TEX30: variants seen among roughly 807,000 people sequenced by gnomAD.
The protein encoded by TEX30 is testis-expressed protein 30.
Under a neutral mutation model 23.8 loss-of-function variants are expected in TEX30, and 14 were observed. The observed-to-expected ratio is 0.59, with a 90% CI of 0.39 to 0.92. TEX30 has a LOEUF of 0.92. Ranked by LOEUF, TEX30 falls within the 40% of genes least tolerant of loss-of-function variation. The pLI, the probability that TEX30 is intolerant of heterozygous loss-of-function variation, is 0.00. For missense variants in TEX30, 246 were observed against 270.6 expected, an observed-to-expected ratio of 0.91 and a Z score of 0.64; for synonymous variants, 78 against 90.2, an observed-to-expected ratio of 0.87 and a Z score of 0.76.
In TEX30 at chr13:102,766,343, G is replaced by T; in HGVS notation, c.*58C>A. 1 of 1,391,522 alleles carries T rather than the reference G, an allele frequency of 7.2e-7. No individual in the cohort carries two copies. The highest frequency in any genetic ancestry group is 1.0e-6 in the Non-Finnish European group (1 of 1,001,996). 86.2% of individuals were successfully genotyped at this position (1,391,522 alleles called of 1,614,324 possible). ...TGAAATATATCTCACAATGCTGAGA[G>T]GCATACTCTTCTTTATCAAATTAAC... On this transcript the variant is annotated 3_prime_UTR_variant, in exon 6 of 6. Coordinates refer to ENST00000376032, the MANE Select transcript of TEX30 (RefSeq NM_138779.5).
intron 5 of TEX30, 116 bp from the exon 6 acceptor site, chr13:102,766,696 A>G: frequency 1.0e-6 from 1 of 973,892 alleles, no homozygotes. Context: ...ATGCTTTCTC[A>G]GACAACTTTC....
At chr13:102,768,881 A>G (rs1318417461) in intron 3 of TEX30, among the ~76,000 whole-genome samples, 1 of 152,240 alleles carries the variant, frequency 6.6e-6, no homozygotes, top group African/African-American at 2.4e-5. Flanking sequence ...CCTGGGCCAT[A>G]TGTGGCCCAT....
chr13:102,770,260 T>C (rs2139043053), intron 1 of TEX30, 174 bp from the exon 2 acceptor site: 1 of 358,876 alleles, frequency 2.8e-6, no homozygotes, highest in Non-Finnish European at 5.0e-6. Flanking sequence ...GAGGGCCAGG[T>C]GCAGGGTTGG....
chr13:102,772,539 C>T (rs1877395645), intron 1 of TEX30, among the ~76,000 whole-genome samples: 1 of 152,142 alleles, frequency 6.6e-6, no homozygotes, highest in Non-Finnish European at 1.5e-5. Context: ...ACGGAAAATG[C>T]CCCATAATGC....
rs745850741 is a variant in TEX30 at position 102,767,233 on chromosome 13, C to A, written c.504+40G>T. 5 of 1,585,820 alleles carry A rather than the reference C, an allele frequency of 3.2e-6. No individual in the cohort carries two copies. The East Asian group carries it at 6.7e-5, about 21-fold the overall frequency. ...TTGCTCCCAAGATATGTCTGCCTTTCATTCTCTTTCATTGACACAAACATT... is the reference window on the plus strand; with the variant it reads ...TTGCTCCCAAGATATGTCTGCCTTTAATTCTCTTTCATTGACACAAACATT... On this transcript the variant is annotated intron_variant, in intron 5 of 5. Transcript: ENST00000376032.
rs558507194 is a variant in TEX30 at position 102,766,229 on chromosome 13, C to T, written c.*172G>A. On this transcript the variant is annotated 3_prime_UTR_variant, in exon 6 of 6. Transcript: ENST00000376032. ...TCATCTTTATACAACTGTAACAGTGCTTTCAAAAGACATTTTGTGAAGGAC... is the reference window on the plus strand; with the variant it reads ...TCATCTTTATACAACTGTAACAGTGTTTTCAAAAGACATTTTGTGAAGGAC... 30 of 515,130 alleles carry T rather than the reference C, an allele frequency of 5.8e-5. No individual in the cohort carries two copies. Among genetic ancestry groups the T allele is most frequent in the African/African-American group, 5.4e-4 (28 of 51,576 alleles). 31.9% of individuals were successfully genotyped at this position (515,130 alleles called of 1,614,324 possible).
Position 102,770,009 on chromosome 13 carries a change from TA to T in TEX30, c.15+2del. Reference sequence around the variant, plus strand: ...GAAGATGCAGAACATACGAAAATATTACCTCTGTATGACTCATTTTCACTGT... The same window carrying T: ...GAAGATGCAGAACATACGAAAATATTCCTCTGTATGACTCATTTTCACTGT... On this transcript the variant is annotated splice_donor_variant, in intron 2 of 5. Coordinates refer to ENST00000376032, the MANE Select transcript of TEX30 (RefSeq NM_138779.5). LOFTEE classifies it high-confidence loss of function. 1 of 1,444,506 alleles carries T rather than the reference TA, an allele frequency of 6.9e-7. No individual in the cohort carries two copies. Among genetic ancestry groups the T allele is most frequent in the Non-Finnish European group, 9.1e-7 (1 of 1,094,456 alleles). The allele number at this position is 1,444,506 out of a possible 1,614,324, so 89.5% of individuals were successfully genotyped here.
intron 1 of TEX30, chr13:102,773,337 G>A (rs2274388): frequency 0.084 from 12,763 of 152,218 alleles, 1,352 homozygotes; most frequent in African/African-American, 0.25. Context: ...GCGCGCTGCC[G>A]GGGCTGCGCC....
intron 5 of TEX30, among the ~76,000 whole-genome samples, chr13:102,767,047 T>A (rs1876937708): frequency 6.6e-6 from 1 of 152,226 alleles, no homozygotes. Flanking sequence ...AATCCTTCAT[T>A]TTCCAAGTAA....
In TEX30 at chr13:102,768,142, C is replaced by A. The variant is rs913351461; in HGVS notation, c.298+118G>T. 67 of 855,940 alleles carry A rather than the reference C, an allele frequency of 7.8e-5. 1 individual carries two copies. The Admixed American group carries it at 1.8e-3, about 23-fold the overall frequency. The allele number at this position is 855,940 out of a possible 1,614,324, so 53.0% of individuals were successfully genotyped here. ...CTTTAACATTAAAAAGGTGACTTAC[C>A]AAAACAACAAAAAAAATCCTTAAAT... is the stretch of plus-strand genomic sequence containing the variant. On this transcript the variant is annotated intron_variant, in intron 4 of 5. Coordinates refer to ENST00000376032, the MANE Select transcript of TEX30 (RefSeq NM_138779.5).
chr13:102,766,468 T>C lies in TEX30; in HGVS notation c.617A>G (p.Lys206Arg). Residue 206 changes from lysine to arginine, a missense_variant, in exon 6 of 6, where the codon AAA (lysine) becomes AGA (arginine). By Grantham distance (26) the Lys-to-Arg change is conservative (BLOSUM62 2). Transcript: ENST00000376032. ...VKGRSTNDVF[K>R]EINTQILFWI... Reference sequence around the variant, plus strand: ...AAACAAAATCTGTGTATTTATTTCTTTGAAAACATCATTTGTCGACCGTCC... The same window carrying C: ...AAACAAAATCTGTGTATTTATTTCTCTGAAAACATCATTTGTCGACCGTCC... The C allele has an allele frequency of 1.2e-6, 2 of 1,614,114 alleles. No individual in the cohort carries two copies. Among genetic ancestry groups the C allele is most frequent in the Non-Finnish European group, 1.7e-6 (2 of 1,179,990 alleles).
At position 102,769,904 on chromosome 13, in the gene TEX30, AC is replaced by A. The variant is rs1361407968; in HGVS notation, c.15+107del. 14 of 977,190 alleles carry A rather than the reference AC, an allele frequency of 1.4e-5. No individual in the cohort carries two copies. In the Admixed American group the frequency reaches 3.5e-4, roughly 25 times the overall value. 60.5% of individuals were successfully genotyped at this position (977,190 alleles called of 1,614,324 possible). A position where few individuals can be genotyped will look rare whatever the true frequency, so the allele number is the denominator to read the frequency against. ...CCTCGCTCTTAACCACTTATGCTAT[AC>A]TGCCTCCCACAGTGAAAGTTGAAAA... On this transcript the variant is annotated intron_variant, in intron 2 of 5. Coordinates refer to ENST00000376032, the MANE Select transcript of TEX30 (RefSeq NM_138779.5).
At position 102,768,301 on chromosome 13, in the gene TEX30, T is replaced by G; in HGVS notation, c.257A>C (p.Lys86Thr). The change falls in exon 4 of 6, where the codon AAG (lysine) becomes ACG (threonine). Residue 86 changes from lysine to threonine, a missense_variant. By Grantham distance (78) the Lys-to-Thr change is moderately conservative. Coordinates refer to ENST00000376032, the MANE Select transcript of TEX30 (RefSeq NM_138779.5). ...TGCAAGTTTGTATTCTCCTGATGTC[T>G]TCAGGTAATTCTAGAAAAATAAAAA... is the stretch of plus-strand genomic sequence containing the variant. ...KAYKSVLNYLKTSGEYKLAGV... is the reference protein window; with the variant it reads ...KAYKSVLNYLTTSGEYKLAGV... The G allele has an allele frequency of 6.3e-7, 1 of 1,594,924 alleles. No homozygotes were observed. The highest frequency in any genetic ancestry group is 8.5e-7 in the Non-Finnish European group (1 of 1,174,198).
In TEX30 at chr13:102,766,559, G is replaced by A. The variant is rs1214299979; in HGVS notation, c.526C>T (p.Gln176Ter). The stretch of plus-strand genomic sequence containing the variant: ...ATTTTATGGGGAGCTTGCATTTTCT[G>A]TGCCACTTTCTCCAACAAGTTCTAA... ...CEKNLLEKVA[Q>*]KMQAPHKIHW... The change falls in exon 6 of 6, where the codon CAG (glutamine) becomes TAG (stop). Residue 176 changes from glutamine to a stop codon, truncating the protein, a stop_gained. Coordinates refer to ENST00000376032, the MANE Select transcript of TEX30 (RefSeq NM_138779.5). LOFTEE classifies it high-confidence loss of function. 1 of 1,612,884 alleles carries A rather than the reference G, an allele frequency of 6.2e-7. No individual in the cohort carries two copies. Among genetic ancestry groups the A allele is most frequent in the Non-Finnish European group, 8.5e-7 (1 of 1,179,530 alleles).
In TEX30 at chr13:102,766,448, A is replaced by G. The variant is rs1477363079; in HGVS notation, c.637T>C (p.Leu213=). ...DVFKEINTQI[L]FWIQEITEMD... Reference sequence around the variant, plus strand: ...TCAGTAATTTCTTGGATCCAAAACAAAATCTGTGTATTTATTTCTTTGAAA... The same window carrying G: ...TCAGTAATTTCTTGGATCCAAAACAGAATCTGTGTATTTATTTCTTTGAAA... Residue 213 remains leucine, a synonymous_variant, in exon 6 of 6, where the codon TTG becomes CTG. Transcript: ENST00000376032. 2 of 1,613,884 alleles carry G rather than the reference A, an allele frequency of 1.2e-6. No homozygotes were observed. Among genetic ancestry groups the G allele is most frequent in the African/African-American group, 2.7e-5 (2 of 75,036 alleles).
In TEX30 at chr13:102,767,491, A is replaced by G; in HGVS notation, c.299-13T>C. 6.2e-7 allele frequency: 1 copy of G among 1,612,524 alleles called. No homozygotes were observed. Among genetic ancestry groups the G allele is most frequent in the Non-Finnish European group, 8.5e-7 (1 of 1,179,162 alleles). On this transcript the variant is annotated splice_polypyrimidine_tract_variant and intron_variant, in intron 4 of 5. Transcript: ENST00000376032. Reference sequence around the variant, plus strand: ...CCCATTGAACGACCTAAAATCAATTAAAATTAAGTTCAGTTTGAAATATAA... The same window carrying G: ...CCCATTGAACGACCTAAAATCAATTGAAATTAAGTTCAGTTTGAAATATAA...
chr13:102,766,314 A>T lies in TEX30; in HGVS notation c.*87T>A. ...AGGGAACATTAAAGAACATCAAATT[A>T]GTCTGAAATATATCTCACAATGCTG... On this transcript the variant is annotated 3_prime_UTR_variant, in exon 6 of 6. Transcript: ENST00000376032. 1 of 1,114,662 alleles carries T rather than the reference A, an allele frequency of 9.0e-7. No homozygotes were observed. The allele number at this position is 1,114,662 out of a possible 1,614,324, so 69.0% of individuals were successfully genotyped here.
intron 4 of TEX30, among the ~76,000 whole-genome samples, chr13:102,767,853 C>T (rs556784205): frequency 6.6e-6 from 1 of 152,152 alleles, no homozygotes; most frequent in Admixed American, 6.5e-5. Flanking sequence ...GTGGAGGCTG[C>T]AGTGAGCCGA....
In TEX30 at chr13:102,767,265, T is replaced by C; in HGVS notation, c.504+8A>G. The C allele has an allele frequency of 6.2e-7, 1 of 1,610,262 alleles. No individual in the cohort carries two copies. The highest frequency in any genetic ancestry group is 8.5e-7 in the Non-Finnish European group (1 of 1,177,912). ...TTTCATTGACACAAACATTGAGTTA[T>C]AATTCACCTTTTCACACATTTCATC... is the stretch of plus-strand genomic sequence containing the variant. On this transcript the variant is annotated splice_region_variant and intron_variant, in intron 5 of 5. Transcript: ENST00000376032.
Sources: allele counts gnomAD v4.1 joint callset (sites outside exome capture counted in the v4.1 genomes callset), GRCh38; gene constraint gnomAD v4.1.1; transcripts MANE v1.5; gene names NCBI Gene and HGNC (gene_info 2026-07-23, HGNC 2026-07-21).